Variants in PCBP3 observed in about 807,000 individuals in gnomAD.
PCBP3 encodes poly(rC)-binding protein 3.
In PCBP3, 25 loss-of-function variants were observed where a neutral mutation model predicts 52.7. The observed-to-expected ratio is 0.47, with a 90% CI of 0.35 to 0.66. PCBP3 has a LOEUF of 0.66. PCBP3 is among the 30% of genes least tolerant of loss of function. The pLI is 0.01. For synonymous variants in PCBP3, 162 were observed against 183.0 expected, an observed-to-expected ratio of 0.89 and a Z score of 0.93; for missense variants, 391 against 490.3, an observed-to-expected ratio of 0.80 and a Z score of 1.91.
chr21:45,764,119 C>CTTTTTTTTTTTTTT (rs71185167), intron 4 of PCBP3, among the ~76,000 whole-genome samples: 2 of 119,782 alleles, frequency 1.7e-5, no homozygotes, highest in South Asian at 2.5e-4. Flanking sequence ...TTTTTTTTTT[C>CTTTTTTTTTTTTTT]TTTTTTTTTT....
intron 15 of PCBP3, among the ~76,000 whole-genome samples, chr21:45,931,282 G>T (rs2076139231): frequency 6.6e-6 from 1 of 152,254 alleles, no homozygotes; most frequent in African/African-American, 2.4e-5. Flanking sequence ...AGACACAGTT[G>T]TTTGCCTGGG....
intron 2 of PCBP3, among the ~76,000 whole-genome samples, chr21:45,689,693 C>T (rs2082351096): frequency 6.6e-6 from 1 of 151,896 alleles, no homozygotes; most frequent in African/African-American, 2.4e-5. Context: ...ATTGAGGATA[C>T]AAGTTCAATA....
chr21:45,650,114 C>G (rs758837871), intron 1 of PCBP3, among the ~76,000 whole-genome samples: 1 of 151,138 alleles, frequency 6.6e-6, no homozygotes, highest in African/African-American at 2.4e-5. Context: ...ATCATTTGAG[C>G]GCAGGAGTTC....
chr21:45,807,081 C>G (rs748140683), intron 4 of PCBP3, among the ~76,000 whole-genome samples: 26 of 152,188 alleles, frequency 1.7e-4, no homozygotes, highest in Non-Finnish European at 2.9e-4. Flanking sequence ...CAGCCAATAT[C>G]ACACGAATGG....
chr21:45,722,034 C>T (rs967020812), intron 2 of PCBP3, among the ~76,000 whole-genome samples: 1 of 152,118 alleles, frequency 6.6e-6, no homozygotes, highest in Non-Finnish European at 1.5e-5. Flanking sequence ...ATCGGATAAG[C>T]ACTAAATTTA....
Position 45,841,819 on chromosome 21 carries a change from G to A in PCBP3, c.-125-8142G>A, listed in dbSNP as rs568647670. Among the ~76,000 whole-genome samples the A allele has an allele frequency of 1.1e-4, 16 of 152,234 alleles. No individual in the cohort carries two copies. In the East Asian group the frequency reaches 1.7e-3, roughly 17 times the overall value. ...AACCAAGAGGTCTCTCTGTTATTAC[G>A]GTGAAATATGTTTGAGGCCTGTGTG... On this transcript the variant is annotated intron_variant, in intron 4 of 17. Transcript: ENST00000681687.
intron 5 of PCBP3, chr21:45,872,042 T>C (rs2095048415): frequency 6.6e-6 from 1 of 152,204 alleles, no homozygotes; most frequent in Non-Finnish European, 1.5e-5. Flanking sequence ...CGTCCGTTCG[T>C]GCTGGCGGCA....
intron 4 of PCBP3, among the ~76,000 whole-genome samples, chr21:45,796,862 A>T (rs922778456): frequency 6.6e-6 from 1 of 152,244 alleles, no homozygotes; most frequent in Admixed American, 6.5e-5. Flanking sequence ...CAAACCTCTT[A>T]GAATGGAAGC....
chr21:45,747,014 T>C (rs201870564), intron 3 of PCBP3, among the ~76,000 whole-genome samples: 12 of 151,518 alleles, frequency 7.9e-5, no homozygotes, highest in Admixed American at 5.9e-4. Flanking sequence ...TCAGCATCGC[T>C]GTGTCAGTCC....
At chr21:45,905,601 T>C (rs546749314) in intron 9 of PCBP3, among the ~76,000 whole-genome samples, 2 of 152,332 alleles carry the variant, frequency 1.3e-5, no homozygotes, top group Admixed American at 1.3e-4. Context: ...AGGCTGGAAG[T>C]CTCAGATGGA....
chr21:45,765,240 C>G (rs1418871809), intron 4 of PCBP3, among the ~76,000 whole-genome samples: 1 of 152,154 alleles, frequency 6.6e-6, no homozygotes, highest in Non-Finnish European at 1.5e-5. Context: ...CCAGGGGTGC[C>G]AGGATATCTG....
chr21:45,730,509 T>C (rs1275211591), intron 2 of PCBP3, among the ~76,000 whole-genome samples: 1 of 152,198 alleles, frequency 6.6e-6, no homozygotes, highest in Non-Finnish European at 1.5e-5. Context: ...TATTCTGTTA[T>C]AATTGTGTGG....
At position 45,755,858 on chromosome 21, in the gene PCBP3, A is replaced by G. The variant is rs1448413337; in HGVS notation, c.-126+406A>G. Among the ~76,000 whole-genome samples, 6 of 152,032 alleles carry G rather than the reference A, an allele frequency of 3.9e-5. No homozygotes were observed. The South Asian group carries it at 8.3e-4, about 21-fold the overall frequency. On this transcript the variant is annotated intron_variant, in intron 4 of 17. Transcript: ENST00000681687. ...CATTTATCAGATATGTATTTTTCAA[A>G]TGTTTTCTCCTAAAGTATGCCTTGA...
chr21:45,685,171 T>C (rs755397913), intron 2 of PCBP3, among the ~76,000 whole-genome samples: 10 of 152,146 alleles, frequency 6.6e-5, no homozygotes, highest in Non-Finnish European at 1.2e-4. Flanking sequence ...TGATTCCACT[T>C]AAGTGAGATA....
intron 2 of PCBP3, among the ~76,000 whole-genome samples, chr21:45,727,464 G>A (rs777565078): frequency 2.6e-5 from 4 of 152,354 alleles, no homozygotes; most frequent in Non-Finnish European, 4.4e-5. Flanking sequence ...GCAGGAGCAC[G>A]GCTGCCAGGC....
chr21:45,937,556 C>G (rs2077007778), intron 16 of PCBP3, among the ~76,000 whole-genome samples: 1 of 152,224 alleles, frequency 6.6e-6, no homozygotes, highest in Non-Finnish European at 1.5e-5. Context: ...ACTGCAGTTC[C>G]CGTGGAATTT....
In PCBP3 at chr21:45,910,965, A is replaced by T. The variant is rs1189237520; in HGVS notation, c.535A>T (p.Thr179Ser). The T allele has an allele frequency of 6.2e-7, 1 of 1,612,064 alleles. No individual in the cohort carries two copies. Among genetic ancestry groups the T allele is most frequent in the Admixed American group, 1.7e-5 (1 of 59,994 alleles). ...MLPNSTERAV[T>S]ISGTPDAIIQ... is the part of the protein sequence containing the mutation. ...GCCCAACTCCACGGAGCGAGCGGTG[A>T]CCATCTCGGGGACCCCAGATGCCAT... The change falls in exon 11 of 18, where the codon ACC (threonine) becomes TCC (serine). Residue 179 changes from threonine to serine, a missense_variant. Transcript: ENST00000681687.
intron 3 of PCBP3, among the ~76,000 whole-genome samples, chr21:45,740,303 C>T (rs1415068480): frequency 6.6e-6 from 1 of 152,230 alleles, no homozygotes; most frequent in African/African-American, 2.4e-5. Context: ...TCTCTGCGTG[C>T]CCGCCTCACT....
chr21:45,770,741 C>T (rs976360970), intron 4 of PCBP3, among the ~76,000 whole-genome samples: 1 of 152,224 alleles, frequency 6.6e-6, no homozygotes, highest in Non-Finnish European at 1.5e-5. Flanking sequence ...CTGGGTCCCC[C>T]CCAGCCTTGT....
Sources: gnomAD v4.1 joint callset for allele counts (sites outside exome capture counted in the v4.1 genomes callset) on GRCh38, gnomAD v4.1.1 for gene constraint, MANE v1.5 for transcripts, NCBI Gene and HGNC (gene_info 2026-07-23, HGNC 2026-07-21) for gene names.